ARHGAP17: variants seen among roughly 807,000 people sequenced by gnomAD.
ARHGAP17 encodes the protein Rho GTPase activating protein 17.
A neutral mutation model predicts 99.5 loss-of-function variants in ARHGAP17; 57 were observed. The ratio of observed to expected loss-of-function variants is 0.57; its 90% CI spans 0.46 to 0.71. The LOEUF (loss-of-function observed/expected upper bound fraction) is 0.71. Ranked by LOEUF, ARHGAP17 falls within the 30% of genes least tolerant of loss-of-function variation. The pLI, the probability that ARHGAP17 is intolerant of heterozygous loss-of-function variation, is 0.00. For missense variants in ARHGAP17, 1,000 were observed against 1,122.4 expected, an observed-to-expected ratio of 0.89 and a Z score of 1.56; for synonymous variants, 417 against 429.6, an observed-to-expected ratio of 0.97 and a Z score of 0.36.
intron 19 of ARHGAP17, among the ~76,000 whole-genome samples, chr16:24,926,109 G>GAAAAAA (rs1175708408): frequency 9.3e-6 from 1 of 107,106 alleles, no homozygotes; most frequent in African/African-American, 3.5e-5. Flanking sequence ...GACTCCGTCT[G>GAAAAAA]AAAAAAAAAA....
intron 14 of ARHGAP17, among the ~76,000 whole-genome samples, chr16:24,946,368 AAC>A (rs1597387595): frequency 6.6e-6 from 1 of 151,786 alleles, no homozygotes; most frequent in East Asian, 1.9e-4. Context: ...AGGCCCTTTC[AAC>A]AGTGTCTTGG....
At chr16:24,939,686 T>G in intron 16 of ARHGAP17, 89 bp from the exon 17 acceptor site, 1 of 1,379,200 alleles carries the variant, frequency 7.3e-7, no homozygotes, top group South Asian at 1.2e-5. Flanking sequence ...AAACCACACA[T>G]GGGGATAGCC....
At chr16:24,997,398 A>G (rs1389243381) in intron 1 of ARHGAP17, among the ~76,000 whole-genome samples, 2 of 152,200 alleles carry the variant, frequency 1.3e-5, no homozygotes, top group East Asian at 3.8e-4. Context: ...ACCCAGATAT[A>G]TATTCTCTGT....
intron 19 of ARHGAP17, among the ~76,000 whole-genome samples, chr16:24,921,334 G>C (rs2050714589): frequency 6.6e-6 from 1 of 152,204 alleles, no homozygotes; most frequent in Non-Finnish European, 1.5e-5. Flanking sequence ...ATGTTTTGTA[G>C]TTTTGCTTTG....
intron 9 of ARHGAP17, chr16:24,956,133 G>C: frequency 6.6e-6 from 1 of 152,228 alleles, no homozygotes. Context: ...TCCACTAGGG[G>C]ATGCCCTGGA....
At chr16:24,971,980 A>G (rs1410702889) in intron 3 of ARHGAP17, among the ~76,000 whole-genome samples, 1 of 152,222 alleles carries the variant, frequency 6.6e-6, no homozygotes, top group Non-Finnish European at 1.5e-5. Flanking sequence ...TGGGCTGGTT[A>G]TAACGTCATA....
chr16:24,952,912 G>C lies in ARHGAP17; in HGVS notation c.964+19C>G. 6.2e-7 allele frequency: 1 copy of C among 1,610,174 alleles called. No homozygotes were observed. Among genetic ancestry groups the C allele is most frequent in the South Asian group, 1.1e-5 (1 of 90,908 alleles). ...CGCCTTGAGGGTGACTTGATTTGCA[G>C]ACACTCTTTGGCGCTCACCTGCTAC... On this transcript the variant is annotated intron_variant, in intron 11 of 19. Coordinates refer to ENST00000289968, the MANE Select transcript of ARHGAP17 (RefSeq NM_001006634.3).
intron 1 of ARHGAP17, among the ~76,000 whole-genome samples, chr16:24,982,760 C>T (rs2052710738): frequency 6.6e-6 from 1 of 151,776 alleles, no homozygotes; most frequent in Admixed American, 6.6e-5. Context: ...GGCCAAGGTG[C>T]CCATTCAATA....
intron 6 of ARHGAP17, among the ~76,000 whole-genome samples, chr16:24,964,660 G>GTGC (rs911244719): frequency 3.9e-5 from 6 of 152,156 alleles, no homozygotes; most frequent in Admixed American, 6.5e-5. Context: ...GGAGAGCAAG[G>GTGC]TGCTCTCCTT....
At chr16:24,943,745 G>C (rs764246025) in intron 15 of ARHGAP17, 26 bp downstream of exon 15, 1 of 1,595,082 alleles carries the variant, frequency 6.3e-7, no homozygotes, top group South Asian at 1.1e-5. Context: ...TGCTTTGGCG[G>C]TCAATGAAAC....
intron 10 of ARHGAP17, 34 bp downstream of exon 10, chr16:24,954,569 G>A (rs375149986): frequency 6.3e-7 from 1 of 1,598,816 alleles, no homozygotes; most frequent in Non-Finnish European, 8.5e-7. Context: ...GGGGCATGGA[G>A]ACTTGGTGCA....
At position 24,939,603 on chromosome 16, in the gene ARHGAP17, C is replaced by T. The variant is rs2051254522; in HGVS notation, c.1491-6G>A. 4 of 1,598,698 alleles carry T rather than the reference C, an allele frequency of 2.5e-6. No homozygotes were observed. The highest frequency in any genetic ancestry group is 1.3e-5 in the African/African-American group (1 of 74,832). On this transcript the variant is annotated splice_region_variant and splice_polypyrimidine_tract_variant and intron_variant, in intron 16 of 19. Transcript: ENST00000289968. Reference sequence around the variant, plus strand: ...CCATAAGCTTCACACCAAAGCTACACAGAGAGAAGAAACAGTCAACACACC... The same window carrying T: ...CCATAAGCTTCACACCAAAGCTACATAGAGAGAAGAAACAGTCAACACACC...
At chr16:24,979,204 T>C (rs2052603524) in intron 1 of ARHGAP17, among the ~76,000 whole-genome samples, 199 bp from the exon 2 acceptor site, 1 of 152,164 alleles carries the variant, frequency 6.6e-6, no homozygotes, top group Non-Finnish European at 1.5e-5. Context: ...CAAAACTTTG[T>C]GGGGAATAGC....
chr16:24,923,778 C>T (rs2050775197), intron 19 of ARHGAP17, among the ~76,000 whole-genome samples: 2 of 150,234 alleles, frequency 1.3e-5, no homozygotes, highest in Non-Finnish European at 3.0e-5. Flanking sequence ...CTCCAGTAAC[C>T]AGCCTCAGCC....
At chr16:24,922,616 C>T (rs1209838548) in intron 19 of ARHGAP17, among the ~76,000 whole-genome samples, 4 of 151,990 alleles carry the variant, frequency 2.6e-5, no homozygotes, top group East Asian at 3.9e-4. Context: ...GAAAGAATTA[C>T]GGCAACCTGT....
intron 1 of ARHGAP17, among the ~76,000 whole-genome samples, chr16:24,982,046 C>T (rs928327507): frequency 1.3e-5 from 2 of 151,240 alleles, no homozygotes; most frequent in African/African-American, 4.9e-5. Flanking sequence ...TTTGTGGAGG[C>T]TATATATATA....
At chr16:24,979,956 C>G (rs967082967) in intron 1 of ARHGAP17, among the ~76,000 whole-genome samples, 11 of 152,184 alleles carry the variant, frequency 7.2e-5, no homozygotes, top group Non-Finnish European at 1.5e-4. Flanking sequence ...AGTAATCCGC[C>G]CACCTTGGCC....
intron 1 of ARHGAP17, among the ~76,000 whole-genome samples, chr16:25,002,177 T>C (rs1375598665): frequency 6.6e-6 from 1 of 151,782 alleles, no homozygotes; most frequent in Admixed American, 6.6e-5. Flanking sequence ...AAAGAAAATA[T>C]CACAATTATA....
chr16:25,005,021 T>A (rs2141503821), intron 1 of ARHGAP17, among the ~76,000 whole-genome samples: 1 of 152,280 alleles, frequency 6.6e-6, no homozygotes, highest in South Asian at 2.1e-4. Context: ...TCCAAGCCAT[T>A]CTCCTGCCTC....
Sources: gnomAD v4.1 joint callset for allele counts (sites outside exome capture counted in the v4.1 genomes callset) on GRCh38, gnomAD v4.1.1 for gene constraint, MANE v1.5 for transcripts, NCBI Gene and HGNC (gene_info 2026-07-23, HGNC 2026-07-21) for gene names.